Variants in TYW1 observed in about 807,000 individuals in gnomAD.
TYW1 encodes the protein S-adenosyl-L-methionine-dependent tRNA 4-demethylwyosine synthase TYW1.
Under a neutral mutation model 96.2 loss-of-function variants are expected in TYW1, and 46 were observed. The observed-to-expected ratio is 0.48, with a 90% CI of 0.38 to 0.61. The LOEUF (loss-of-function observed/expected upper bound fraction) is 0.61. Among genes scored for constraint, TYW1 ranks in the 20% least tolerant of loss-of-function variants. The probability of loss-of-function intolerance (pLI) is 0.00; values close to 1 mark genes in which losing one functional copy is unlikely to be tolerated. For missense variants in TYW1, 684 were observed against 909.6 expected (o/e 0.75, Z 3.19); for synonymous variants, 274 against 323.0 (o/e 0.85, Z 1.63).
chr7:67,181,605 T>C (rs1158383935), intron 13 of TYW1, among the ~76,000 whole-genome samples: 1 of 152,182 alleles, frequency 6.6e-6, no homozygotes, highest in East Asian at 1.9e-4. Context: ...CCCTTTCACT[T>C]TACTGTTTTT....
At chr7:67,011,434 C>T (rs1376553577) in intron 4 of TYW1, among the ~76,000 whole-genome samples, 1 of 152,256 alleles carries the variant, frequency 6.6e-6, no homozygotes. Context: ...TTTCACCCTA[C>T]AGCAGTGGTT....
At chr7:67,110,961 T>C (rs1797387098) in intron 12 of TYW1, among the ~76,000 whole-genome samples, 4 of 152,116 alleles carry the variant, frequency 2.6e-5, no homozygotes, top group African/African-American at 9.7e-5. Flanking sequence ...GCCATGATCA[T>C]GCCACTGCAC....
intron 6 of TYW1, among the ~76,000 whole-genome samples, chr7:67,022,498 C>G (rs73700322): frequency 0.035 from 5,296 of 152,222 alleles, 267 homozygotes; most frequent in East Asian, 0.16. Flanking sequence ...GCATAGGGCA[C>G]ATGGGCAATA....
intron 15 of TYW1, among the ~76,000 whole-genome samples, chr7:67,196,890 G>A (rs2690204): frequency 6.6e-6 from 1 of 152,122 alleles, no homozygotes; most frequent in African/African-American, 2.4e-5. Flanking sequence ...GGACACCAGG[G>A]TGTGCAGCAA....
intron 10 of TYW1, among the ~76,000 whole-genome samples, chr7:67,072,412 A>T (rs1369030987): frequency 6.6e-6 from 1 of 151,904 alleles, no homozygotes; most frequent in Non-Finnish European, 1.5e-5. Context: ...ATGCCCTGCT[A>T]ATTTTTTGTA....
chr7:67,069,871 C>G (rs1795980494), intron 10 of TYW1, among the ~76,000 whole-genome samples: 1 of 152,086 alleles, frequency 6.6e-6, no homozygotes, highest in African/African-American at 2.4e-5. Context: ...GTTTAGTGTC[C>G]TTTCATTTTT....
intron 11 of TYW1, among the ~76,000 whole-genome samples, chr7:67,096,946 C>A (rs1263055238): frequency 6.6e-6 from 1 of 152,132 alleles, no homozygotes; most frequent in African/African-American, 2.4e-5. Context: ...TGGAATCACA[C>A]GGAGAGCCCT....
rs1433256672 is a variant in TYW1, at chr7:67,101,458, C to T, written c.1562+2740C>T. On this transcript the variant is annotated intron_variant, in intron 12 of 15. Transcript: ENST00000359626. ...GAAAATATTTGCAAAAAATTAAGAT[C>T]ACGGTTATTTCTAGAAAGATTGATC... Among the ~76,000 whole-genome samples the T allele has an allele frequency of 3.3e-5, 5 of 152,082 alleles. No individual in the cohort carries two copies. In the East Asian group the frequency reaches 9.6e-4, roughly 29 times the overall value.
At chr7:67,135,301 A>AGTTTT (rs1798211895) in intron 13 of TYW1, among the ~76,000 whole-genome samples, 2 of 112,302 alleles carry the variant, frequency 1.8e-5, no homozygotes, top group South Asian at 6.0e-4. Flanking sequence ...ATGTTAAAAC[A>AGTTTT]GTTTTTTTTT....
chr7:67,175,043 A>C (rs950457653), intron 13 of TYW1, among the ~76,000 whole-genome samples: 4 of 151,996 alleles, frequency 2.6e-5, no homozygotes, highest in Admixed American at 2.6e-4. Context: ...CTCCAGGCCC[A>C]GATGATTTCA....
At chr7:67,024,257 T>A (rs973364409) in intron 6 of TYW1, among the ~76,000 whole-genome samples, 1 of 152,156 alleles carries the variant, frequency 6.6e-6, no homozygotes, top group Non-Finnish European at 1.5e-5. Context: ...CTTGAACTCC[T>A]GGCTTCAAGT....
At chr7:67,079,171 G>GGTGTGTGT (rs55931505) in intron 10 of TYW1, among the ~76,000 whole-genome samples, 98 of 148,892 alleles carry the variant, frequency 6.6e-4, no homozygotes, top group Admixed American at 2.1e-3. Context: ...TCGTGTGAGA[G>GGTGTGTGT]GTGTGTGTGT....
At chr7:67,083,249 C>A (rs1796439357) in intron 10 of TYW1, among the ~76,000 whole-genome samples, 181 bp from the exon 11 acceptor site, 1 of 152,158 alleles carries the variant, frequency 6.6e-6, no homozygotes, top group South Asian at 2.1e-4. Flanking sequence ...TCTCTATTCA[C>A]CCCTCTCTGT....
chr7:67,137,063 CTGG>C (rs1798286228), intron 13 of TYW1, among the ~76,000 whole-genome samples: 1 of 129,666 alleles, frequency 7.7e-6, no homozygotes, highest in Admixed American at 7.5e-5. Flanking sequence ...TCCACCCACC[CTGG>C]CCTCCCAAAG....
At chr7:67,169,881 G>A (rs1336987521) in intron 13 of TYW1, among the ~76,000 whole-genome samples, 3 of 152,204 alleles carry the variant, frequency 2.0e-5, no homozygotes, top group African/African-American at 4.8e-5. Flanking sequence ...TCACACTTAT[G>A]AGTAAAATTG....
At chr7:67,051,058 AT>A (rs756039909) in intron 8 of TYW1, among the ~76,000 whole-genome samples, 1 of 151,684 alleles carries the variant, frequency 6.6e-6, no homozygotes, top group African/African-American at 2.4e-5. Flanking sequence ...TGCTCAGCTA[AT>A]TTTTTTGCCA....
chr7:67,055,754 A>AAT (rs1554353974), intron 8 of TYW1, 81 bp from the exon 9 acceptor site: 15 of 1,204,220 alleles, frequency 1.2e-5, no homozygotes, highest in South Asian at 1.8e-5. Flanking sequence ...AAAAAAAAAA[A>AAT]TTTTTGCTAA....
rs867630022 is a variant in TYW1 at position 67,208,254 on chromosome 7, G to A, written c.1977+12917G>A. Reference sequence around the variant, plus strand: ...GAGGATCGCTTGAGCCTGGGAGACAGTGGTTGCAGTGAGCAGAGATTGTGC... The same window carrying A: ...GAGGATCGCTTGAGCCTGGGAGACAATGGTTGCAGTGAGCAGAGATTGTGC... On this transcript the variant is annotated intron_variant, in intron 15 of 15. Coordinates refer to ENST00000359626, the MANE Select transcript of TYW1 (RefSeq NM_018264.4). Among the ~76,000 whole-genome samples, 4 of 152,138 alleles carry A rather than the reference G, an allele frequency of 2.6e-5. No homozygotes were observed. In the South Asian group the frequency reaches 8.3e-4, roughly 32 times the overall value.
At chr7:67,148,236 T>G (rs1035933080) in intron 13 of TYW1, among the ~76,000 whole-genome samples, 4 of 151,978 alleles carry the variant, frequency 2.6e-5, no homozygotes, top group Non-Finnish European at 4.4e-5. Context: ...TCAGTAGAGA[T>G]ATGTTTTATT....
Sources: gnomAD v4.1 joint callset for allele counts (sites outside exome capture counted in the v4.1 genomes callset) on GRCh38, gnomAD v4.1.1 for gene constraint, MANE v1.5 for transcripts, NCBI Gene and HGNC (gene_info 2026-07-23, HGNC 2026-07-21) for gene names.